SLC22A25: variants seen among roughly 807,000 people sequenced by gnomAD.
The protein encoded by SLC22A25 is MGI:2442751, MGI:2385316, MGI:3042283, MGI:3645714, MGI:3605624, MGI:2442750.
A neutral mutation model predicts 45.9 loss-of-function variants in SLC22A25; 44 were observed. That is an observed-to-expected ratio of 0.96 (90% CI 0.75 to 1.23). SLC22A25 has a LOEUF of 1.23. SLC22A25 is among the 50% of genes most tolerant of loss of function. The probability of loss-of-function intolerance (pLI) is 0.00; values close to 1 mark genes in which losing one functional copy is unlikely to be tolerated. For missense variants in SLC22A25, 800 were observed against 666.4 expected (o/e 1.20, Z -2.21); for synonymous variants, 283 against 238.6 (o/e 1.19, Z -1.72).
chr11:63,174,784 A>T (rs1226728794), intron 9 of SLC22A25, among the ~76,000 whole-genome samples: 1 of 152,092 alleles, frequency 6.6e-6, no homozygotes, highest in Non-Finnish European at 1.5e-5. Context: ...ATTAAATGGG[A>T]ACTTCCTATT....
Position 63,166,085 on chromosome 11 carries a change from A to T in SLC22A25, c.1244T>A (p.Leu415Gln). Reference protein sequence around the residue: ...RRLSQMLLMFLLATCLLAIIF... With the variant: ...RRLSQMLLMFQLATCLLAIIF... The stretch of plus-strand genomic sequence containing the variant: ...GATGGCCAGAAGGCAGGTTGCCAGT[A>T]GGAACATGAGAAGCATCTGGCTTAG... Residue 415 changes from leucine (L) to glutamine (Q), a missense_variant, in exon 10 of 12, where the codon CTA (leucine) becomes CAA (glutamine). Coordinates refer to ENST00000306494, the MANE Select transcript of SLC22A25 (RefSeq NM_199352.6). 1.9e-6 allele frequency: 3 copies of T among 1,614,018 alleles called. No homozygotes were observed. Among genetic ancestry groups the T allele is most frequent in the Non-Finnish European group, 2.5e-6 (3 of 1,179,940 alleles).
intron 7 of SLC22A25, among the ~76,000 whole-genome samples, chr11:63,196,485 A>G (rs1031098353): frequency 6.6e-6 from 1 of 152,196 alleles, no homozygotes; most frequent in Non-Finnish European, 1.5e-5. Context: ...CAGCATATAA[A>G]CAGAACTAAC....
chr11:63,188,381 C>A (rs567929518), intron 7 of SLC22A25, among the ~76,000 whole-genome samples: 1 of 152,068 alleles, frequency 6.6e-6, no homozygotes, highest in Non-Finnish European at 1.5e-5. Context: ...TCTGTGGGAT[C>A]GGTGGTGATA....
chr11:63,172,252 A>G (rs1288791558), intron 9 of SLC22A25, among the ~76,000 whole-genome samples: 2 of 152,206 alleles, frequency 1.3e-5, no homozygotes, highest in African/African-American at 4.8e-5. Flanking sequence ...CTTCAGGACT[A>G]AAACACCAAA....
intron 10 of SLC22A25, 124 bp downstream of exon 10, chr11:63,165,920 C>G: frequency 1.6e-6 from 2 of 1,239,210 alleles, no homozygotes; most frequent in Non-Finnish European, 2.2e-6. Flanking sequence ...CCCCAGATTT[C>G]TATCAGGGAA....
chr11:63,173,212 C>G (rs1259134217), intron 9 of SLC22A25, among the ~76,000 whole-genome samples: 1 of 89,894 alleles, frequency 1.1e-5, no homozygotes, highest in Non-Finnish European at 2.2e-5. Flanking sequence ...ACACTGGGGC[C>G]TGTTGGGGGT....
At chr11:63,166,833 C>G in intron 9 of SLC22A25, 3 of 985,034 alleles carry the variant, frequency 3.0e-6, no homozygotes, top group Non-Finnish European at 3.6e-6. Flanking sequence ...TGGTGTCTAA[C>G]TTCATTATGG....
chr11:63,174,542 C>A (rs116126841), intron 9 of SLC22A25, among the ~76,000 whole-genome samples: 324 of 152,228 alleles, frequency 2.1e-3, no homozygotes, highest in African/African-American at 7.4e-3. Flanking sequence ...ACTGAAATCA[C>A]CCACGTCTAG....
chr11:63,228,448 C>T lies in SLC22A25; in HGVS notation c.506+13G>A, dbSNP rs1226182111. 6.4e-7 allele frequency: 1 copy of T among 1,562,978 alleles called. No individual in the cohort carries two copies. The highest frequency in any genetic ancestry group is 1.7e-5 in the Admixed American group (1 of 59,162). On this transcript the variant is annotated intron_variant, in intron 5 of 11. Transcript: ENST00000306494. ...AATACCCTTGAAGAGAGCTATGCTC[C>T]ATAGACACTCACCTGTCTGACAAAT...
At position 63,159,188 on chromosome 11, in the gene SLC22A25, T is replaced by G. The variant is rs888483897; in HGVS notation, c.*4636A>C. ...GGACACTTAGGTTGCTTCCAAACCT[T>G]GGCCATTGTGAACAGTTCTGCAACA... On this transcript the variant is annotated 3_prime_UTR_variant, in exon 12 of 12. Transcript: ENST00000306494. 2.0e-5 allele frequency among the ~76,000 whole-genome samples: 3 copies of G among 152,216 alleles called. No individual in the cohort carries two copies. The highest frequency in any genetic ancestry group is 2.9e-5 in the Non-Finnish European group (2 of 68,030).
At chr11:63,233,327 T>A (rs2090104820) in intron 3 of SLC22A25, among the ~76,000 whole-genome samples, 1 of 152,224 alleles carries the variant, frequency 6.6e-6, no homozygotes, top group South Asian at 2.1e-4. Flanking sequence ...TTATTCAGGC[T>A]ATTCAGAGAT....
At chr11:63,197,081 A>C (rs187132085) in intron 7 of SLC22A25, among the ~76,000 whole-genome samples, 17 of 152,318 alleles carry the variant, frequency 1.1e-4, no homozygotes, top group South Asian at 2.1e-4. Flanking sequence ...GAGAACTACA[A>C]ACCACTACTC....
chr11:63,178,771 T>G (rs2088211060), intron 9 of SLC22A25, among the ~76,000 whole-genome samples: 1 of 152,084 alleles, frequency 6.6e-6, no homozygotes, highest in Admixed American at 6.6e-5. Flanking sequence ...TTTCTCCACT[T>G]TGTTGATTGT....
At chr11:63,210,324 G>A (rs956230758) in intron 7 of SLC22A25, among the ~76,000 whole-genome samples, 25 of 152,286 alleles carry the variant, frequency 1.6e-4, no homozygotes, top group African/African-American at 6.0e-4. Flanking sequence ...GAGACAGCTT[G>A]ATTTATAGCT....
At chr11:63,215,163 CA>C (rs903990635) in intron 7 of SLC22A25, among the ~76,000 whole-genome samples, 21 of 152,108 alleles carry the variant, frequency 1.4e-4, no homozygotes, top group African/African-American at 4.3e-4. Flanking sequence ...TTCACAATAG[CA>C]AAGACTTAGA....
intron 5 of SLC22A25, among the ~76,000 whole-genome samples, chr11:63,228,204 C>T (rs1330667436): frequency 1.3e-5 from 2 of 152,206 alleles, no homozygotes. Flanking sequence ...TCTGCCTCCC[C>T]TGGGATTTAT....
chr11:63,180,710 C>A lies in SLC22A25; in HGVS notation c.1020G>T (p.Leu340Phe). Reference protein sequence around the residue: ...AAQKKHSLCELLRIPNICKRI... With the variant: ...AAQKKHSLCEFLRIPNICKRI... Reference sequence around the variant, plus strand: ...TTTTACATATGTTGGGTATGCGGAGCAATTCACAAAGAGAATGCTTTTTCT... The same window carrying A: ...TTTTACATATGTTGGGTATGCGGAGAAATTCACAAAGAGAATGCTTTTTCT... Residue 340 changes from leucine (L) to phenylalanine (F), a missense_variant, in exon 9 of 12, where the codon TTG becomes TTT. Transcript: ENST00000306494. The A allele has an allele frequency of 1.9e-6, 3 of 1,613,186 alleles. No individual in the cohort carries two copies. The highest frequency in any genetic ancestry group is 2.5e-6 in the Non-Finnish European group (3 of 1,179,512).
Position 63,200,438 on chromosome 11 carries a change from T to G in SLC22A25, c.831-16621A>C, listed in dbSNP as rs1369486140. Among the ~76,000 whole-genome samples, 4 of 150,980 alleles carry G rather than the reference T, an allele frequency of 2.6e-5. No homozygotes were observed. In the Admixed American group the frequency reaches 2.7e-4, roughly 10 times the overall value. On this transcript the variant is annotated intron_variant, in intron 7 of 11. Transcript: ENST00000306494. ...GTCTCAAGAGATACAGAAAAGGCTTTCAATAAAATTCAACATCCATTAATA... is the reference window on the plus strand; with the variant it reads ...GTCTCAAGAGATACAGAAAAGGCTTGCAATAAAATTCAACATCCATTAATA...
chr11:63,228,895 A>G (rs1017526230), intron 4 of SLC22A25, among the ~76,000 whole-genome samples: 26 of 152,214 alleles, frequency 1.7e-4, no homozygotes, highest in Non-Finnish European at 3.5e-4. Context: ...GTTGTAAGAT[A>G]TAGTCTGGAC....
Sources: allele counts gnomAD v4.1 joint callset (sites outside exome capture counted in the v4.1 genomes callset), GRCh38; gene constraint gnomAD v4.1.1; transcripts MANE v1.5; gene names NCBI Gene and HGNC (gene_info 2026-07-23, HGNC 2026-07-21).